OPCML: variants seen among roughly 807,000 people sequenced by gnomAD.
OPCML encodes the protein opioid binding protein/cell adhesion molecule like.
Under a neutral mutation model 37.8 loss-of-function variants are expected in OPCML, and 13 were observed. The ratio of observed to expected loss-of-function variants is 0.34; its 90% CI spans 0.22 to 0.55. OPCML has a LOEUF of 0.55. Ranked by LOEUF, OPCML falls within the 20% of genes least tolerant of loss-of-function variation. The pLI is 0.91. For synonymous variants in OPCML, 176 were observed against 168.8 expected, an observed-to-expected ratio of 1.04 and a Z score of -0.33; for missense variants, 341 against 435.6, an observed-to-expected ratio of 0.78 and a Z score of 1.93.
chr11:132,477,929 A>G (rs1482455606), intron 4 of OPCML, among the ~76,000 whole-genome samples: 1 of 152,238 alleles, frequency 6.6e-6, no homozygotes, highest in African/African-American at 2.4e-5. Flanking sequence ...AAAGGGAAAT[A>G]CTTTATCAAA....
chr11:132,523,082 G>A (rs1280326113), intron 4 of OPCML, among the ~76,000 whole-genome samples: 1 of 152,162 alleles, frequency 6.6e-6, no homozygotes, highest in Non-Finnish European at 1.5e-5. Context: ...AACTACAGGC[G>A]TGGTTGTAGA....
chr11:133,051,301 G>A (rs549853005), intron 1 of OPCML, among the ~76,000 whole-genome samples: 9 of 152,194 alleles, frequency 5.9e-5, no homozygotes, highest in African/African-American at 1.7e-4. Flanking sequence ...TTTATTACCC[G>A]TATTTTACCA....
At chr11:133,201,078 T>C (rs981949648) in intron 1 of OPCML, among the ~76,000 whole-genome samples, 2 of 152,086 alleles carry the variant, frequency 1.3e-5, no homozygotes, top group African/African-American at 2.4e-5. Flanking sequence ...GAGATAAACA[T>C]TGAGTACATA....
intron 2 of OPCML, among the ~76,000 whole-genome samples, chr11:132,658,281 G>C (rs1381116637): frequency 6.6e-6 from 1 of 152,236 alleles, no homozygotes; most frequent in Admixed American, 6.5e-5. Context: ...CTGGCAGAGA[G>C]AGGAGGGACT....
intron 4 of OPCML, among the ~76,000 whole-genome samples, chr11:132,501,357 C>G (rs576322260): frequency 6.6e-6 from 1 of 152,304 alleles, no homozygotes; most frequent in East Asian, 1.9e-4. Flanking sequence ...AAAGCAATTG[C>G]AACAGAAGCC....
chr11:132,942,880 G>A (rs767086572), intron 2 of OPCML, 46 bp downstream of exon 2: 4 of 1,606,478 alleles, frequency 2.5e-6, no homozygotes, highest in Admixed American at 3.3e-5. Context: ...TCTCCCCAGC[G>A]ACCACAGCCC....
chr11:133,361,832 C>CT (rs1397121969), intron 1 of OPCML: 4 of 152,708 alleles, frequency 2.6e-5, no homozygotes, highest in African/African-American at 9.6e-5. Context: ...GAGTTCTGCA[C>CT]TAATGAGCTC....
chr11:132,821,752 C>T (rs1279896535), intron 2 of OPCML, among the ~76,000 whole-genome samples: 1 of 152,144 alleles, frequency 6.6e-6, no homozygotes, highest in Non-Finnish European at 1.5e-5. Flanking sequence ...CTCTTTCCAT[C>T]TTCCAGCCTT....
intron 1 of OPCML, among the ~76,000 whole-genome samples, chr11:133,293,935 CAA>C (rs1942556163): frequency 7.4e-6 from 1 of 134,796 alleles, no homozygotes; most frequent in African/African-American, 2.7e-5. Context: ...CACACACACA[CAA>C]AAGCATCCAG....
chr11:133,503,970 C>G (rs1300537446), intron 1 of OPCML, among the ~76,000 whole-genome samples: 1 of 152,142 alleles, frequency 6.6e-6, no homozygotes, highest in Non-Finnish European at 1.5e-5. Context: ...AAGACAAGGA[C>G]AAGAGAGCTC....
intron 1 of OPCML, among the ~76,000 whole-genome samples, chr11:133,052,462 A>G (rs1274115699): frequency 6.6e-6 from 1 of 152,188 alleles, no homozygotes; most frequent in Non-Finnish European, 1.5e-5. Context: ...GAATGCTGGG[A>G]AGCATATCTT....
At chr11:132,982,101 A>G (rs1423995295) in intron 1 of OPCML, among the ~76,000 whole-genome samples, 1 of 152,026 alleles carries the variant, frequency 6.6e-6, no homozygotes, top group Non-Finnish European at 1.5e-5. Context: ...CATCTGCTCT[A>G]CTAAGATTTC....
chr11:133,312,905 G>A (rs1432186589), intron 1 of OPCML, among the ~76,000 whole-genome samples: 1 of 152,144 alleles, frequency 6.6e-6, no homozygotes, highest in Non-Finnish European at 1.5e-5. Flanking sequence ...TTAAAGGATA[G>A]GCGGTATATT....
intron 1 of OPCML, among the ~76,000 whole-genome samples, chr11:133,128,070 T>C (rs1388219804): frequency 6.6e-6 from 1 of 152,174 alleles, no homozygotes; most frequent in African/African-American, 2.4e-5. Context: ...TTATGTGATC[T>C]TCAGCTCCCC....
intron 2 of OPCML, among the ~76,000 whole-genome samples, chr11:132,747,151 C>T (rs922775532): frequency 6.6e-6 from 1 of 152,010 alleles, no homozygotes; most frequent in African/African-American, 2.4e-5. Context: ...GACAAAGTTC[C>T]AAAGTGAAAG....
intron 1 of OPCML, among the ~76,000 whole-genome samples, chr11:133,317,183 C>A (rs145791843): frequency 6.6e-6 from 1 of 152,008 alleles, no homozygotes; most frequent in Non-Finnish European, 1.5e-5. Context: ...GGTGACAGAG[C>A]GAGATGCTAT....
At chr11:132,678,025 T>C (rs979003056) in intron 2 of OPCML, among the ~76,000 whole-genome samples, 1 of 152,252 alleles carries the variant, frequency 6.6e-6, no homozygotes, top group Non-Finnish European at 1.5e-5. Context: ...TCATCCAAAA[T>C]GTACAAAGAA....
intron 4 of OPCML, among the ~76,000 whole-genome samples, chr11:132,483,790 A>C (rs1471165026): frequency 2.0e-5 from 3 of 151,712 alleles, no homozygotes. Context: ...GATCTTTGAC[A>C]AACCTGACAA....
At chr11:133,270,346 A>G (rs1941791410) in intron 1 of OPCML, among the ~76,000 whole-genome samples, 2 of 152,174 alleles carry the variant, frequency 1.3e-5, no homozygotes, top group African/African-American at 2.4e-5. Context: ...GAGCTTTAAA[A>G]TATCACACAG....
Sources: allele counts gnomAD v4.1 joint callset (sites outside exome capture counted in the v4.1 genomes callset), GRCh38; gene constraint gnomAD v4.1.1; transcripts MANE v1.5; gene names NCBI Gene and HGNC (gene_info 2026-07-23, HGNC 2026-07-21).